TOX2: variants seen among roughly 807,000 people sequenced by gnomAD.
TOX2 encodes granulosa cell HMG box 1.
Under a neutral mutation model 47.4 loss-of-function variants are expected in TOX2, and 15 were observed. That is an observed-to-expected ratio of 0.32 (90% CI 0.21 to 0.49). The LOEUF (loss-of-function observed/expected upper bound fraction) is 0.49. TOX2 is among the 20% of genes least tolerant of loss of function. The probability of loss-of-function intolerance (pLI) is 0.99; values close to 1 mark genes in which losing one functional copy is unlikely to be tolerated. For synonymous variants in TOX2, 290 were observed against 296.6 expected (o/e 0.98, Z 0.23); for missense variants, 622 against 673.1 (o/e 0.92, Z 0.84).
intron 4 of TOX2, 60 bp downstream of exon 4, chr20:44,051,605 T>G (rs2071513585): frequency 6.6e-7 from 1 of 1,517,146 alleles, no homozygotes; most frequent in Non-Finnish European, 8.8e-7. Context: ...GAAGGGGTCC[T>G]GTGGGGAAAT....
intron 1 of TOX2, among the ~76,000 whole-genome samples, chr20:43,921,027 G>T (rs974000218): frequency 1.3e-5 from 2 of 152,210 alleles, no homozygotes; most frequent in East Asian, 3.9e-4. Context: ...CCTGTGGCTT[G>T]AGGAACTTAG....
At position 44,052,514 on chromosome 20, in the gene TOX2, A is replaced by C. The variant is rs190711032; in HGVS notation, c.651+969A>C. On this transcript the variant is annotated intron_variant, in intron 4 of 8. Transcript: ENST00000341197. ...GGCAGTAACCCTGGACTTTGGGGGAAGAGGGGTTTACTTCTGGATCCTGGC... is the reference window on the plus strand; with the variant it reads ...GGCAGTAACCCTGGACTTTGGGGGACGAGGGGTTTACTTCTGGATCCTGGC... Among the ~76,000 whole-genome samples the C allele has an allele frequency of 3.0e-4, 46 of 152,278 alleles. No homozygotes were observed. The East Asian group carries it at 8.5e-3, about 28-fold the overall frequency.
At chr20:43,926,444 G>A (rs1040344960) in intron 1 of TOX2, among the ~76,000 whole-genome samples, 5 of 152,150 alleles carry the variant, frequency 3.3e-5, no homozygotes, top group African/African-American at 4.8e-5. Flanking sequence ...TCTCTGAGTC[G>A]TGGTTTCCTC....
At chr20:43,920,943 C>A (rs554890376) in intron 1 of TOX2, among the ~76,000 whole-genome samples, 10 of 152,252 alleles carry the variant, frequency 6.6e-5, no homozygotes, top group Admixed American at 2.6e-4. Context: ...GTATTCCCAG[C>A]GCTAGCCTGA....
At chr20:44,037,078 C>T (rs1316799135) in intron 3 of TOX2, among the ~76,000 whole-genome samples, 5 of 152,190 alleles carry the variant, frequency 3.3e-5, no homozygotes, top group Non-Finnish European at 4.4e-5. Context: ...CCTCAGCCTC[C>T]GAGTAGCTGG....
At chr20:44,061,576 C>G (rs556519849) in intron 5 of TOX2, among the ~76,000 whole-genome samples, 1 of 149,262 alleles carries the variant, frequency 6.7e-6, no homozygotes, top group Non-Finnish European at 1.5e-5. Flanking sequence ...GATGCCCACT[C>G]TTACCACTTC....
chr20:43,924,655 G>T (rs2145835566), intron 1 of TOX2, among the ~76,000 whole-genome samples: 1 of 152,292 alleles, frequency 6.6e-6, no homozygotes, highest in South Asian at 2.1e-4. Flanking sequence ...GCAAAGGAGG[G>T]GTCACCTGTA....
At chr20:43,956,559 T>TA (rs11474983) in intron 1 of TOX2, among the ~76,000 whole-genome samples, 3,262 of 120,416 alleles carry the variant, frequency 0.027, 127 homozygotes, top group African/African-American at 0.089. Flanking sequence ...GTTCTATCTT[T>TA]AAAAAAAAAA....
chr20:43,986,982 T>C (rs1163490234), intron 2 of TOX2, among the ~76,000 whole-genome samples: 2 of 152,146 alleles, frequency 1.3e-5, no homozygotes, highest in African/African-American at 4.8e-5. Flanking sequence ...GACGATCACT[T>C]GAGCCCTGGA....
chr20:43,980,904 A>G lies in TOX2; in HGVS notation c.165+7472A>G, dbSNP rs116745791. 2.1e-3 allele frequency among the ~76,000 whole-genome samples: 326 copies of G among 152,358 alleles called. 1 individual carries two copies. Among genetic ancestry groups the G allele is most frequent in the African/African-American group, 7.6e-3 (314 of 41,580 alleles). On this transcript the variant is annotated intron_variant, in intron 2 of 8. Coordinates refer to ENST00000341197, the MANE Select transcript of TOX2 (RefSeq NM_001098797.2). ...TTTGTATGGCCAAACCAGCATAAGT[A>G]AAGTCAGTAGACAAAAGTTGGGCAA...
intron 2 of TOX2, among the ~76,000 whole-genome samples, chr20:44,002,594 A>G (rs1036819320): frequency 1.1e-4 from 16 of 152,228 alleles, no homozygotes; most frequent in African/African-American, 3.9e-4. Flanking sequence ...CTATAAAGGA[A>G]TACTTGAGAC....
chr20:44,027,188 A>G (rs925146615), intron 3 of TOX2, among the ~76,000 whole-genome samples: 6 of 152,188 alleles, frequency 3.9e-5, no homozygotes, highest in Non-Finnish European at 7.4e-5. Context: ...ACTGCTCAGG[A>G]TCAGCTTCAG....
chr20:44,068,622 C>A, intron 8 of TOX2, 28 bp from the exon 9 acceptor site: 1 of 1,603,592 alleles, frequency 6.2e-7, no homozygotes, highest in Non-Finnish European at 8.5e-7. Context: ...TACCCAACAG[C>A]TTTGACAGCC....
chr20:43,954,418 C>T (rs770243985), intron 1 of TOX2, among the ~76,000 whole-genome samples: 41 of 152,320 alleles, frequency 2.7e-4, no homozygotes, highest in Non-Finnish European at 3.2e-4. Context: ...TTGTTTGTTG[C>T]CTGCCTCCTG....
chr20:44,028,687 G>T (rs1053636201), intron 3 of TOX2, among the ~76,000 whole-genome samples: 1 of 152,168 alleles, frequency 6.6e-6, no homozygotes, highest in African/African-American at 2.4e-5. Context: ...GCACTCAGAT[G>T]GGGGAGGAAA....
In TOX2 at chr20:44,026,248, TAG is replaced by T. The variant is rs66996289; in HGVS notation, c.411+19458_411+19459del. 1.4e-3 allele frequency among the ~76,000 whole-genome samples: 98 copies of T among 67,704 alleles called. 17 individuals carry two copies. The highest frequency in any genetic ancestry group is 8.7e-3 in the East Asian group (23 of 2,634). The allele number at this position is 67,704 out of a possible 152,430, so 44.4% of individuals were successfully genotyped here. ...ACTGTGATATATATATATATATATATAGACACACACACACACAATGGAATACT... is the reference window on the plus strand; with the variant it reads ...ACTGTGATATATATATATATATATATACACACACACACACAATGGAATACT... On this transcript the variant is annotated intron_variant, in intron 3 of 8. Transcript: ENST00000341197.
At chr20:43,994,440 CAG>C (rs1367970032) in intron 2 of TOX2, among the ~76,000 whole-genome samples, 1 of 140,236 alleles carries the variant, frequency 7.1e-6, no homozygotes, top group Non-Finnish European at 1.5e-5. Context: ...GCCTGGGTGA[CAG>C]AGCCAGACCC....
chr20:43,954,770 A>G (rs758706268), intron 1 of TOX2, among the ~76,000 whole-genome samples: 4 of 152,182 alleles, frequency 2.6e-5, no homozygotes, highest in Non-Finnish European at 5.9e-5. Flanking sequence ...CTGCCATTTC[A>G]GCCTCTGGGA....
At chr20:44,043,580 A>T (rs1014693145) in intron 3 of TOX2, among the ~76,000 whole-genome samples, 1 of 152,230 alleles carries the variant, frequency 6.6e-6, no homozygotes, top group African/African-American at 2.4e-5. Context: ...CTGTAGGTCC[A>T]CGTTGGTCAG....
Sources: gnomAD v4.1 joint callset for allele counts (sites outside exome capture counted in the v4.1 genomes callset) on GRCh38, gnomAD v4.1.1 for gene constraint, MANE v1.5 for transcripts, NCBI Gene and HGNC (gene_info 2026-07-23, HGNC 2026-07-21) for gene names.